The following TBKBP1 variants were observed in gnomAD, a reference collection of about 807,000 sequenced individuals.
TBKBP1 encodes TANK-binding kinase 1-binding protein 1.
In TBKBP1, 47 loss-of-function variants were observed where a neutral mutation model predicts 69.9. The observed-to-expected ratio is 0.67, with a 90% CI of 0.53 to 0.86. The LOEUF is 0.86. Among genes scored for constraint, TBKBP1 ranks in the 40% least tolerant of loss-of-function variants. TBKBP1 has a pLI of 0.00. For synonymous variants in TBKBP1, 418 were observed against 390.3 expected (o/e 1.07, Z -0.84); for missense variants, 831 against 858.6 (o/e 0.97, Z 0.40).
In TBKBP1 at chr17:47,696,939, A is replaced by T. The variant is rs1272767439; in HGVS notation, c.348+106A>T. ...CATCTGGCCTCTGCCCTTTGATTAG[A>T]GATGGCCAGGTCCTCCCTAAGCCCA... On this transcript the variant is annotated intron_variant, in intron 3 of 9. Coordinates refer to ENST00000578982, the MANE Select transcript of TBKBP1 (RefSeq NM_001394755.1). 1.9e-6 allele frequency: 3 copies of T among 1,539,950 alleles called. No individual in the cohort carries two copies. In the African/African-American group the frequency reaches 4.1e-5, roughly 21 times the overall value.
At chr17:47,695,070 C>G (rs1168233725) in intron 1 of TBKBP1, among the ~76,000 whole-genome samples, 5 of 152,198 alleles carry the variant, frequency 3.3e-5, no homozygotes, top group Non-Finnish European at 7.4e-5. Context: ...TCTCACGTGA[C>G]ACGCGGCCCG....
intron 7 of TBKBP1, among the ~76,000 whole-genome samples, chr17:47,707,659 C>CACAAAGTTCACAA (rs1447290758): frequency 6.6e-6 from 1 of 152,170 alleles, no homozygotes; most frequent in Non-Finnish European, 1.5e-5. Context: ...ACAAAGATCT[C>CACAAAGTTCACAA]AGTGTTAAGG....
At chr17:47,696,595 C>T (rs1044418105) in intron 2 of TBKBP1, 116 bp from the exon 3 acceptor site, 2 of 1,522,518 alleles carry the variant, frequency 1.3e-6, no homozygotes, top group Non-Finnish European at 1.8e-6. Context: ...TCCCACTAGC[C>T]AAGGAGAAGG....
chr17:47,699,589 C>T, intron 6 of TBKBP1, 47 bp from the exon 7 acceptor site: 1 of 1,613,998 alleles, frequency 6.2e-7, no homozygotes, highest in South Asian at 1.1e-5. Flanking sequence ...GACAAGGGCC[C>T]TGGCAGGGGT....
rs979721685 is a variant in TBKBP1 at position 47,711,778 on chromosome 17, C to T, written c.*1152C>T. 3.3e-5 allele frequency: 5 copies of T among 152,640 alleles called. No homozygotes were observed. Among genetic ancestry groups the T allele is most frequent in the Admixed American group, 3.3e-4 (5 of 15,302 alleles). The allele number at this position is 152,640 out of a possible 1,614,324, so 9.5% of individuals were successfully genotyped here. ...CACCCTGCTCCACTGCGCGCCTCTCCCAGGTCTCAGCTCTGGGTGGGGAGC... is the reference window on the plus strand; with the variant it reads ...CACCCTGCTCCACTGCGCGCCTCTCTCAGGTCTCAGCTCTGGGTGGGGAGC... On this transcript the variant is annotated 3_prime_UTR_variant, in exon 10 of 10. Transcript: ENST00000578982.
chr17:47,697,126 A>G lies in TBKBP1; in HGVS notation c.386A>G (p.Glu129Gly), dbSNP rs754335234. ...AAGGAGCAGGAAGAACAGCTTGGAG[A>G]GATGATCCAGGCCTACGAGAAACTC... ...KNKEQEEQLGEMIQAYEKLCV... is the reference protein window; with the variant it reads ...KNKEQEEQLGGMIQAYEKLCV... Residue 129 changes from glutamate (E) to glycine (G), a missense_variant, in exon 4 of 10, where the codon GAG (glutamate) becomes GGG (glycine). Coordinates refer to ENST00000578982, the MANE Select transcript of TBKBP1 (RefSeq NM_001394755.1). 1.9e-6 allele frequency: 3 copies of G among 1,612,796 alleles called. No homozygotes were observed. Among genetic ancestry groups the G allele is most frequent in the Non-Finnish European group, 2.5e-6 (3 of 1,179,412 alleles).
chr17:47,694,775 T>G, intron 1 of TBKBP1: 1 of 140,838 alleles, frequency 7.1e-6, no homozygotes, highest in East Asian at 2.2e-4. Context: ...GGGGATGGCG[T>G]GGGAAGGAGA....
intron 7 of TBKBP1, among the ~76,000 whole-genome samples, chr17:47,704,722 G>T (rs536100524): frequency 6.6e-6 from 1 of 152,136 alleles, no homozygotes; most frequent in Non-Finnish European, 1.5e-5. Context: ...TCTTGGCCAC[G>T]TGCTACATCA....
rs1192339245 is a variant in TBKBP1, at chr17:47,699,684, G to A, written c.859G>A (p.Val287Ile). The A allele has an allele frequency of 1.9e-6, 3 of 1,614,026 alleles. No homozygotes were observed. The highest frequency in any genetic ancestry group is 2.2e-5 in the South Asian group (2 of 91,086). The change falls in exon 7 of 10, where the codon GTT becomes ATT. Residue 287 changes from valine (V) to isoleucine (I), a missense_variant. By Grantham distance (29) the Val-to-Ile change is conservative. Transcript: ENST00000578982. ...GCGAGACATGGCGTGGGTGAAAAGA[G>A]TTGGGGATGATCAGTAAGTCACATT... ...SERDMAWVKRVGDDQVNLALA... is the reference protein window; with the variant it reads ...SERDMAWVKRIGDDQVNLALA...
intron 2 of TBKBP1, 81 bp downstream of exon 2, chr17:47,696,418 C>T: frequency 2.0e-6 from 3 of 1,476,532 alleles, no homozygotes; most frequent in Non-Finnish European, 2.8e-6. Flanking sequence ...TACCAGGGAT[C>T]CAAAAGAGGG....
intron 7 of TBKBP1, among the ~76,000 whole-genome samples, chr17:47,701,373 ACACACT>A (rs1277626177): frequency 1.9e-4 from 29 of 150,208 alleles, no homozygotes; most frequent in Non-Finnish European, 4.0e-4. Context: ...ACACACACAC[ACACACT>A]CTCTCTCTCT....
At chr17:47,699,768 T>C (rs2031416676) in intron 7 of TBKBP1, 71 bp downstream of exon 7, 1 of 1,572,592 alleles carries the variant, frequency 6.4e-7, no homozygotes, top group Middle Eastern at 1.7e-4. Context: ...CTCAGGGGTG[T>C]GGTGTCTGGG....
In TBKBP1 at chr17:47,697,157, G is replaced by T; in HGVS notation, c.417G>T (p.Val139=). The part of the protein sequence containing the change: ...EMIQAYEKLC[V]EKSDLETELR... Reference sequence around the variant, plus strand: ...TCCAGGCCTACGAGAAACTCTGCGTGGAGAAGAGTGACTTGGAGACAGAGC... The same window carrying T: ...TCCAGGCCTACGAGAAACTCTGCGTTGAGAAGAGTGACTTGGAGACAGAGC... The change falls in exon 4 of 10, where the codon GTG becomes GTT. Residue 139 remains valine, a synonymous_variant. Coordinates refer to ENST00000578982, the MANE Select transcript of TBKBP1 (RefSeq NM_001394755.1). The T allele has an allele frequency of 6.2e-7, 1 of 1,613,232 alleles. No individual in the cohort carries two copies. The highest frequency in any genetic ancestry group is 1.1e-5 in the South Asian group (1 of 90,852).
intron 7 of TBKBP1, among the ~76,000 whole-genome samples, chr17:47,705,184 T>G (rs2031655210): frequency 6.6e-6 from 1 of 152,132 alleles, no homozygotes; most frequent in African/African-American, 2.4e-5. Context: ...CTCCCCTCCT[T>G]CCCGCTTCTT....
At chr17:47,702,461 C>T (rs943940699) in intron 7 of TBKBP1, among the ~76,000 whole-genome samples, 1 of 152,064 alleles carries the variant, frequency 6.6e-6, no homozygotes, top group South Asian at 2.1e-4. Context: ...TAGACACCTC[C>T]GGGGCAGCCA....
intron 7 of TBKBP1, among the ~76,000 whole-genome samples, chr17:47,707,537 G>T (rs185388505): frequency 6.6e-6 from 1 of 152,196 alleles, no homozygotes; most frequent in Non-Finnish European, 1.5e-5. Context: ...ATACAATGAC[G>T]TAATCCTCAC....
At chr17:47,702,624 C>T (rs1352988516) in intron 7 of TBKBP1, among the ~76,000 whole-genome samples, 1 of 152,084 alleles carries the variant, frequency 6.6e-6, no homozygotes, top group African/African-American at 2.4e-5. Context: ...CCCACGAAAA[C>T]AGACACCCAG....
intron 7 of TBKBP1, among the ~76,000 whole-genome samples, chr17:47,702,738 C>G (rs1373459813): frequency 6.6e-6 from 1 of 152,050 alleles, no homozygotes; most frequent in African/African-American, 2.4e-5. Context: ...ACAAATTGCC[C>G]CAGAGGAAGA....
intron 7 of TBKBP1, among the ~76,000 whole-genome samples, chr17:47,706,026 T>G (rs1239702176): frequency 1.3e-5 from 2 of 151,842 alleles, no homozygotes; most frequent in Non-Finnish European, 2.9e-5. Context: ...TGGTAGAAAC[T>G]GGGGTAGCTC....
Sources: gnomAD v4.1 joint callset for allele counts (sites outside exome capture counted in the v4.1 genomes callset) on GRCh38, gnomAD v4.1.1 for gene constraint, MANE v1.5 for transcripts, NCBI Gene and HGNC (gene_info 2026-07-23, HGNC 2026-07-21) for gene names.